MACROD2: variants seen among roughly 807,000 people sequenced by gnomAD.
The protein encoded by MACROD2 is mono-ADP ribosylhydrolase 2, also known as ADP-ribose glycohydrolase MACROD2.
In MACROD2, 36 loss-of-function variants were observed where a neutral mutation model predicts 70.4. The observed-to-expected ratio is 0.51, with a 90% CI of 0.39 to 0.68. The LOEUF (loss-of-function observed/expected upper bound fraction) is 0.68, where lower values mean the gene tolerates loss of function less well. MACROD2 is among the 30% of genes least tolerant of loss of function. MACROD2 has a pLI of 0.00. For synonymous variants in MACROD2, 172 were observed against 178.8 expected (o/e 0.96, Z 0.30); for missense variants, 496 against 538.4 (o/e 0.92, Z 0.78).
chr20:14,376,867 T>TTACCTAAGCC (rs1406170063), intron 3 of MACROD2, among the ~76,000 whole-genome samples: 30 of 151,882 alleles, frequency 2.0e-4, no homozygotes, highest in African/African-American at 6.7e-4. Context: ...AGCCATGTGA[T>TTACCTAAGCC]ATTGGGAAAG....
intron 8 of MACROD2, among the ~76,000 whole-genome samples, chr20:15,521,996 G>A (rs2047659376): frequency 6.6e-6 from 1 of 152,170 alleles, no homozygotes; most frequent in African/African-American, 2.4e-5. Context: ...TTTATTAACT[G>A]GAAGTCTTTG....
At chr20:14,292,080 A>G (rs1213486737) in intron 3 of MACROD2, among the ~76,000 whole-genome samples, 1 of 151,950 alleles carries the variant, frequency 6.6e-6, no homozygotes, top group Non-Finnish European at 1.5e-5. Flanking sequence ...ACCTACAGGC[A>G]TCTTGTATTC....
chr20:15,311,668 C>T (rs1286799915), intron 6 of MACROD2, among the ~76,000 whole-genome samples: 1 of 152,226 alleles, frequency 6.6e-6, no homozygotes, highest in Non-Finnish European at 1.5e-5. Context: ...TTATCCTAAG[C>T]GTATTAACTC....
rs8117838 is a variant in MACROD2, at chr20:15,120,756, C to T, written c.419-109184C>T. On this transcript the variant is annotated intron_variant, in intron 5 of 17. Transcript: ENST00000684519. The stretch of plus-strand genomic sequence containing the variant: ...TTGTATTCTCTGACCAATGAACTCA[C>T]TCCATTCATTTATTAACTCTTTTAC... Among the ~76,000 whole-genome samples the T allele has an allele frequency of 5.7e-3, 873 of 152,304 alleles. 8 individuals are homozygous for T. Among genetic ancestry groups the T allele is most frequent in the African/African-American group, 0.02 (820 of 41,566 alleles).
intron 5 of MACROD2, among the ~76,000 whole-genome samples, chr20:14,736,269 T>C (rs1048275610): frequency 2.0e-5 from 3 of 152,132 alleles, no homozygotes; most frequent in African/African-American, 7.2e-5. Context: ...TATAAAATAT[T>C]CAGAATAGGA....
intron 5 of MACROD2, among the ~76,000 whole-genome samples, chr20:14,734,750 A>G (rs760574662): frequency 4.6e-5 from 7 of 152,194 alleles, no homozygotes; most frequent in Non-Finnish European, 1.0e-4. Flanking sequence ...TTACAAAAAT[A>G]CAGTAGTCAA....
chr20:14,226,701 G>A (rs992443056), intron 3 of MACROD2, among the ~76,000 whole-genome samples: 5 of 152,314 alleles, frequency 3.3e-5, no homozygotes, highest in African/African-American at 1.2e-4. Flanking sequence ...CCAGCCCACC[G>A]GCGCTGTGCT....
chr20:14,716,650 T>C (rs2071400106), intron 5 of MACROD2, among the ~76,000 whole-genome samples: 1 of 152,122 alleles, frequency 6.6e-6, no homozygotes, highest in Admixed American at 6.5e-5. Context: ...CATCTATGCT[T>C]GGAAAAATGC....
At chr20:15,177,071 A>C (rs2076467784) in intron 5 of MACROD2, among the ~76,000 whole-genome samples, 1 of 152,156 alleles carries the variant, frequency 6.6e-6, no homozygotes, top group Non-Finnish European at 1.5e-5. Context: ...GTGCACAGTG[A>C]CCAGACCCTG....
intron 8 of MACROD2, among the ~76,000 whole-genome samples, chr20:15,810,370 G>A (rs1273652464): frequency 6.6e-6 from 1 of 151,462 alleles, no homozygotes; most frequent in African/African-American, 2.4e-5. Context: ...AGTCCTTTGG[G>A]TATATACCCA....
intron 8 of MACROD2, among the ~76,000 whole-genome samples, chr20:15,730,489 T>C (rs2050930774): frequency 6.6e-6 from 1 of 152,200 alleles, no homozygotes; most frequent in Admixed American, 6.5e-5. Flanking sequence ...GAATTTATTT[T>C]CCTTAAGAAT....
intron 3 of MACROD2, among the ~76,000 whole-genome samples, chr20:14,238,342 T>C (rs1038087019): frequency 1.3e-5 from 2 of 152,220 alleles, no homozygotes; most frequent in Admixed American, 1.3e-4. Context: ...AAAAACCTTT[T>C]AATGAAATTC....
At chr20:15,681,229 C>T (rs1050499724) in intron 8 of MACROD2, among the ~76,000 whole-genome samples, 1 of 152,238 alleles carries the variant, frequency 6.6e-6, no homozygotes, top group Non-Finnish European at 1.5e-5. Flanking sequence ...CATGTAAACT[C>T]TTCTAGCCAA....
chr20:14,861,480 G>A (rs1238023294), intron 5 of MACROD2, among the ~76,000 whole-genome samples: 1 of 152,032 alleles, frequency 6.6e-6, no homozygotes, highest in East Asian at 1.9e-4. Flanking sequence ...AAACAGGAAA[G>A]AAATACCCTG....
intron 9 of MACROD2, among the ~76,000 whole-genome samples, chr20:15,875,766 T>A (rs771771080): frequency 6.6e-6 from 1 of 151,886 alleles, no homozygotes; most frequent in Non-Finnish European, 1.5e-5. Context: ...CATTAGGAAG[T>A]TCTGGTAAAA....
chr20:14,397,555 T>A (rs976138630), intron 3 of MACROD2, among the ~76,000 whole-genome samples: 2 of 152,178 alleles, frequency 1.3e-5, no homozygotes, highest in Non-Finnish European at 1.5e-5. Context: ...TTGTAGACCC[T>A]ACAATACATC....
chr20:14,963,086 C>T (rs1254848375), intron 5 of MACROD2, among the ~76,000 whole-genome samples: 1 of 152,116 alleles, frequency 6.6e-6, no homozygotes, highest in African/African-American at 2.4e-5. Flanking sequence ...AATAAAAAAA[C>T]TGTACCATAC....
intron 3 of MACROD2, among the ~76,000 whole-genome samples, chr20:14,461,759 G>T (rs1334140464): frequency 6.6e-6 from 1 of 151,096 alleles, no homozygotes; most frequent in Non-Finnish European, 1.5e-5. Flanking sequence ...TGTGGTGTCT[G>T]GTTTTTTGTC....
intron 5 of MACROD2, among the ~76,000 whole-genome samples, chr20:14,790,672 A>G (rs1324224615): frequency 6.6e-6 from 1 of 152,128 alleles, no homozygotes; most frequent in African/African-American, 2.4e-5. Context: ...CCTTGCTCAT[A>G]TAATTAAAAG....
Sources: gnomAD v4.1 joint callset for allele counts (sites outside exome capture counted in the v4.1 genomes callset) on GRCh38, gnomAD v4.1.1 for gene constraint, MANE v1.5 for transcripts, NCBI Gene and HGNC (gene_info 2026-07-23, HGNC 2026-07-21) for gene names.